Variants in BMPR1B observed in about 807,000 individuals in gnomAD.
BMPR1B encodes bone morphogenetic protein receptor type-1B.
BMPR1B carries 12 observed loss-of-function variants against 59.1 expected under a neutral mutation model. The observed-to-expected ratio is 0.20, with a 90% CI of 0.13 to 0.33. The LOEUF (loss-of-function observed/expected upper bound fraction) is 0.33. BMPR1B is among the 10% of genes least tolerant of loss of function. The pLI, the probability that BMPR1B is intolerant of heterozygous loss-of-function variation, is 1.00. For synonymous variants in BMPR1B, 237 were observed against 207.3 expected, an observed-to-expected ratio of 1.14 and a Z score of -1.23; for missense variants, 550 against 610.9, an observed-to-expected ratio of 0.90 and a Z score of 1.05.
chr4:94,857,206 C>T, intron 1 of BMPR1B, among the ~76,000 whole-genome samples: 1 of 152,090 alleles, frequency 6.6e-6, no homozygotes, highest in East Asian at 1.9e-4. Context: ...AGGCCTTACT[C>T]TTATGCAAAT....
rs1733159420 is a variant in BMPR1B at position 95,129,613 on chromosome 4, A to C, written c.586-249A>C. Among the ~76,000 whole-genome samples the C allele has an allele frequency of 3.3e-5, 5 of 152,204 alleles. No individual in the cohort carries two copies. The South Asian group carries it at 6.2e-4, about 19-fold the overall frequency. The stretch of plus-strand genomic sequence containing the variant: ...AGGTTTTTTCTCTGAGAAAATAATA[A>C]TACTAAAATAAAGTATTTCATAATT... On this transcript the variant is annotated intron_variant, in intron 8 of 12. Transcript: ENST00000515059.
chr4:94,787,000 C>T (rs1042788380), intron 1 of BMPR1B, among the ~76,000 whole-genome samples: 1 of 152,080 alleles, frequency 6.6e-6, no homozygotes, highest in African/African-American at 2.4e-5. Context: ...TAAACGTAAC[C>T]ACTTTTATTC....
chr4:95,120,402 G>A (rs1732388080), intron 6 of BMPR1B, among the ~76,000 whole-genome samples: 1 of 152,138 alleles, frequency 6.6e-6, no homozygotes, highest in Admixed American at 6.5e-5. Context: ...GCATAGCACT[G>A]GAAGTCCTAG....
chr4:95,117,722 A>G (rs563119224), intron 6 of BMPR1B, among the ~76,000 whole-genome samples: 2 of 152,202 alleles, frequency 1.3e-5, no homozygotes, highest in African/African-American at 2.4e-5. Context: ...GAAGTTCGAC[A>G]TTACATTGCG....
At chr4:95,149,963 A>C (rs1734923909) in intron 11 of BMPR1B, among the ~76,000 whole-genome samples, 1 of 152,226 alleles carries the variant, frequency 6.6e-6, no homozygotes, top group South Asian at 2.1e-4. Flanking sequence ...AATAGCACTC[A>C]ATACATGTTA....
intron 2 of BMPR1B, among the ~76,000 whole-genome samples, chr4:94,989,592 A>G (rs1455329036): frequency 4.6e-5 from 7 of 152,210 alleles, no homozygotes; most frequent in African/African-American, 1.7e-4. Context: ...ACAGAGAATT[A>G]GCACATTTTC....
At chr4:94,862,936 C>A (rs1726052919) in intron 1 of BMPR1B, among the ~76,000 whole-genome samples, 1 of 130,412 alleles carries the variant, frequency 7.7e-6, no homozygotes, top group South Asian at 2.5e-4. Context: ...CAGAGCGAGA[C>A]TCCGTCTCAA....
chr4:94,838,641 C>A lies in BMPR1B; in HGVS notation c.-182-37190C>A, dbSNP rs1465380996. 7.8e-5 allele frequency among the ~76,000 whole-genome samples: 11 copies of A among 141,500 alleles called. No individual in the cohort carries two copies. The East Asian group carries it at 2.2e-3, about 28-fold the overall frequency. 92.8% of individuals were successfully genotyped at this position (141,500 alleles called of 152,430 possible). On this transcript the variant is annotated intron_variant, in intron 1 of 12. Transcript: ENST00000515059. ...CATTTTTTATTGTGTCTATTTGATT[C>A]TTCTCTCTTTTTTTCTTTATTAGTC...
chr4:94,772,378 G>T (rs1722218106), intron 1 of BMPR1B, among the ~76,000 whole-genome samples: 1 of 151,462 alleles, frequency 6.6e-6, no homozygotes, highest in African/African-American at 2.5e-5. Context: ...TGTAAAAAAA[G>T]AAATCTTTAG....
At chr4:94,866,646 A>G (rs1264929974) in intron 1 of BMPR1B, among the ~76,000 whole-genome samples, 5 of 152,006 alleles carry the variant, frequency 3.3e-5, no homozygotes, top group Non-Finnish European at 7.4e-5. Context: ...GTGCAGTGGC[A>G]TGATCTCGGC....
intron 1 of BMPR1B, among the ~76,000 whole-genome samples, chr4:94,788,734 T>C (rs988239193): frequency 2.0e-5 from 3 of 152,224 alleles, no homozygotes; most frequent in African/African-American, 7.2e-5. Flanking sequence ...GGGCATCTTT[T>C]AGATCTGCCT....
intron 2 of BMPR1B, among the ~76,000 whole-genome samples, chr4:94,924,545 G>T (rs1728814366): frequency 6.6e-6 from 1 of 152,110 alleles, no homozygotes; most frequent in African/African-American, 2.4e-5. Context: ...GGATCAGAAT[G>T]TGTCCCAGAC....
intron 10 of BMPR1B, among the ~76,000 whole-genome samples, chr4:95,135,342 C>T (rs1454349376): frequency 5.9e-5 from 9 of 152,076 alleles, no homozygotes; most frequent in East Asian, 3.9e-4. Flanking sequence ...CTTAGCAATG[C>T]GGGCTCTTTT....
rs1730422994 is a variant in BMPR1B, at chr4:95,096,774, GTT to G, written c.-17-7633_-17-7632del. Among the ~76,000 whole-genome samples, 14 of 83,954 alleles carry G rather than the reference GTT, an allele frequency of 1.7e-4. No homozygotes were observed. In the South Asian group the frequency reaches 5.1e-3, roughly 30 times the overall value. 55.1% of individuals were successfully genotyped at this position (83,954 alleles called of 152,430 possible). A position where few individuals can be genotyped will look rare whatever the true frequency, so the allele number is the denominator to read the frequency against. ...ATATAGTTATATATAACTATGTATA[GTT>G]ATATATAACTATATATCTATATATA... On this transcript the variant is annotated intron_variant, in intron 3 of 12. Transcript: ENST00000515059.
At chr4:95,104,263 A>G (rs1219077658) in intron 3 of BMPR1B, 145 bp from the exon 4 acceptor site, 4 of 979,946 alleles carry the variant, frequency 4.1e-6, no homozygotes, top group African/African-American at 3.3e-5. Context: ...ATTTTAATCA[A>G]AATACCAAAA....
intron 2 of BMPR1B, among the ~76,000 whole-genome samples, chr4:94,982,237 A>G (rs558546813): frequency 6.6e-6 from 1 of 152,152 alleles, no homozygotes; most frequent in Non-Finnish European, 1.5e-5. Flanking sequence ...AATTGCTTTC[A>G]TTTTTGTTAT....
At chr4:94,770,869 C>T (rs1360456893) in intron 1 of BMPR1B, among the ~76,000 whole-genome samples, 10 of 139,928 alleles carry the variant, frequency 7.1e-5, no homozygotes, top group African/African-American at 2.7e-4. Flanking sequence ...TTTAACTTAC[C>T]GAGACATGAT....
intron 1 of BMPR1B, among the ~76,000 whole-genome samples, chr4:94,778,656 A>G (rs561789173): frequency 5.3e-5 from 8 of 152,256 alleles, no homozygotes; most frequent in African/African-American, 1.9e-4. Context: ...GATAATTCCT[A>G]TTTGTACCTC....
chr4:95,131,604 G>GC, intron 10 of BMPR1B, 92 bp downstream of exon 10: 1 of 1,410,090 alleles, frequency 7.1e-7, no homozygotes, highest in Non-Finnish European at 9.9e-7. Context: ...TTTAGTAGAA[G>GC]AGGAATATCA....
Sources: gnomAD v4.1 joint callset for allele counts (sites outside exome capture counted in the v4.1 genomes callset) on GRCh38, gnomAD v4.1.1 for gene constraint, MANE v1.5 for transcripts, NCBI Gene and HGNC (gene_info 2026-07-23, HGNC 2026-07-21) for gene names.